The following CTDSPL variants were observed in gnomAD, a reference collection of about 807,000 sequenced individuals.
CTDSPL encodes CTD small phosphatase-like protein.
Under a neutral mutation model 30.5 loss-of-function variants are expected in CTDSPL, and 8 were observed. The observed-to-expected ratio is 0.26, with a 90% CI of 0.15 to 0.47. CTDSPL has a LOEUF of 0.47. Ranked by LOEUF, CTDSPL falls within the 20% of genes least tolerant of loss-of-function variation. The probability of loss-of-function intolerance (pLI) is 0.99; values close to 1 mark genes in which losing one functional copy is unlikely to be tolerated. For synonymous variants in CTDSPL, 110 were observed against 137.9 expected (o/e 0.80, Z 1.42); for missense variants, 248 against 366.1 (o/e 0.68, Z 2.63).
intron 2 of CTDSPL, among the ~76,000 whole-genome samples, chr3:37,953,761 A>G (rs1380585682): frequency 6.6e-6 from 1 of 152,204 alleles, no homozygotes; most frequent in African/African-American, 2.4e-5. Flanking sequence ...AATGCTGCCA[A>G]AGAAGAAAAC....
At chr3:37,949,488 T>C (rs1295046567) in intron 2 of CTDSPL, among the ~76,000 whole-genome samples, 1 of 152,208 alleles carries the variant, frequency 6.6e-6, no homozygotes, top group Non-Finnish European at 1.5e-5. Context: ...CAAAATGATA[T>C]GTCGTAAATA....
At chr3:37,906,373 T>G (rs1227027192) in intron 1 of CTDSPL, among the ~76,000 whole-genome samples, 1 of 152,208 alleles carries the variant, frequency 6.6e-6, no homozygotes, top group African/African-American at 2.4e-5. Context: ...CGACTGTTAC[T>G]GGTCCCAGAC....
Position 37,964,651 on chromosome 3 carries a change from A to T in CTDSPL, c.348A>T (p.Thr116=). Residue 116 remains threonine, a synonymous_variant, in exon 4 of 8, where the codon ACA becomes ACT. Coordinates refer to ENST00000273179, the MANE Select transcript of CTDSPL (RefSeq NM_001008392.2). ...KKCVVIDLDE[T]LVHSSFKPIS... Reference sequence around the variant, plus strand: ...GTGTGGTCATTGATTTAGATGAAACATTGGTGCACAGTTCGTTTAAGGTAA... The same window carrying T: ...GTGTGGTCATTGATTTAGATGAAACTTTGGTGCACAGTTCGTTTAAGGTAA... 1 of 1,613,404 alleles carries T rather than the reference A, an allele frequency of 6.2e-7. No individual in the cohort carries two copies. The highest frequency in any genetic ancestry group is 8.5e-7 in the Non-Finnish European group (1 of 1,179,382).
chr3:37,901,334 G>A (rs1353384150), intron 1 of CTDSPL, among the ~76,000 whole-genome samples: 1 of 151,938 alleles, frequency 6.6e-6, no homozygotes, highest in Non-Finnish European at 1.5e-5. Context: ...CTCTGTGTCT[G>A]TGCTGTTCTT....
chr3:37,937,524 C>T (rs970813475), intron 1 of CTDSPL, among the ~76,000 whole-genome samples: 3 of 150,566 alleles, frequency 2.0e-5, no homozygotes, highest in African/African-American at 7.3e-5. Context: ...GCGAGACCCT[C>T]GCCAGCTGGG....
At chr3:37,913,101 G>T (rs751601860) in intron 1 of CTDSPL, among the ~76,000 whole-genome samples, 3 of 152,110 alleles carry the variant, frequency 2.0e-5, no homozygotes, top group African/African-American at 7.2e-5. Context: ...CAGGCAAATC[G>T]CTAGAGCCCA....
intron 1 of CTDSPL, among the ~76,000 whole-genome samples, chr3:37,938,220 G>A (rs780415466): frequency 6.7e-6 from 1 of 150,144 alleles, no homozygotes; most frequent in African/African-American, 2.4e-5. Context: ...CTGTGTATGG[G>A]TGTGGGTGGG....
intron 1 of CTDSPL, among the ~76,000 whole-genome samples, chr3:37,908,572 A>G (rs1350112024): frequency 6.6e-6 from 1 of 152,326 alleles, no homozygotes; most frequent in Non-Finnish European, 1.5e-5. Flanking sequence ...TATGCCACTT[A>G]TAAGCAGTGC....
chr3:37,941,419 C>CT lies in CTDSPL; in HGVS notation c.80-5624dup, dbSNP rs770518070. The stretch of plus-strand genomic sequence containing the variant: ...GCATGCTTTCTTTCTATCTTTTTTT[C>CT]TTTTTTTTTTTTTTGAGACAGAGTC... On this transcript the variant is annotated intron_variant, in intron 1 of 7. Transcript: ENST00000273179. Among the ~76,000 whole-genome samples, 735 of 139,384 alleles carry CT rather than the reference C, an allele frequency of 5.3e-3. 30 individuals carry two copies. Among genetic ancestry groups the CT allele is most frequent in the African/African-American group, 8.4e-3 (327 of 38,964 alleles). 91.4% of individuals were successfully genotyped at this position (139,384 alleles called of 152,430 possible). A position where few individuals can be genotyped will look rare whatever the true frequency, so the allele number is the denominator to read the frequency against.
Position 37,862,366 on chromosome 3 carries a change from G to T in CTDSPL, c.79+88G>T, listed in dbSNP as rs1052435840. ...CACTGCCGGGCGCCGGCATGGGCCTGGGGGAGGGGTGCACAGGGCCCGGAG... is the reference window on the plus strand; with the variant it reads ...CACTGCCGGGCGCCGGCATGGGCCTTGGGGAGGGGTGCACAGGGCCCGGAG... On this transcript the variant is annotated intron_variant, in intron 1 of 7. Transcript: ENST00000273179. This position sits in a 1 kb window ranked among gnomAD's most constrained non-coding sequence, Gnocchi z 4.3. The T allele has an allele frequency of 2.2e-5, 26 of 1,185,652 alleles. No homozygotes were observed. The highest frequency in any genetic ancestry group is 2.5e-5 in the Non-Finnish European group (23 of 913,134). 73.4% of individuals were successfully genotyped at this position (1,185,652 alleles called of 1,614,324 possible).
chr3:37,911,515 G>A (rs1263975806), intron 1 of CTDSPL, among the ~76,000 whole-genome samples: 1 of 152,126 alleles, frequency 6.6e-6, no homozygotes, highest in Non-Finnish European at 1.5e-5. Context: ...AAGGCTGAGG[G>A]GTGAGGGAAT....
chr3:37,887,635 C>T (rs145862384), intron 1 of CTDSPL, among the ~76,000 whole-genome samples: 32 of 152,258 alleles, frequency 2.1e-4, no homozygotes, highest in Admixed American at 1.3e-3. Context: ...GCATGTGAAG[C>T]GCTTAAAACA....
chr3:37,874,481 C>T (rs1698111068), intron 1 of CTDSPL, among the ~76,000 whole-genome samples: 1 of 152,144 alleles, frequency 6.6e-6, no homozygotes, highest in Non-Finnish European at 1.5e-5. Context: ...CCTGTAATCC[C>T]AGCCCTTTGG....
chr3:37,872,561 A>T (rs1575275567), intron 1 of CTDSPL, among the ~76,000 whole-genome samples: 67 of 121,888 alleles, frequency 5.5e-4, no homozygotes, highest in Admixed American at 6.5e-4. Context: ...TTTTTTTTTA[A>T]ATTCTTTTAT....
chr3:37,910,134 G>A (rs1045889910), intron 1 of CTDSPL, among the ~76,000 whole-genome samples: 5 of 152,222 alleles, frequency 3.3e-5, no homozygotes, highest in African/African-American at 1.2e-4. Context: ...TGTGAGTAAA[G>A]TATTAGCAGT....
chr3:37,891,393 C>T (rs1185109220), intron 1 of CTDSPL, among the ~76,000 whole-genome samples: 1 of 152,194 alleles, frequency 6.6e-6, no homozygotes, highest in Non-Finnish European at 1.5e-5. Flanking sequence ...TGGCTGAAAG[C>T]AGTGGTTGTG....
intron 7 of CTDSPL, among the ~76,000 whole-genome samples, chr3:37,977,289 G>C (rs1049597110): frequency 6.6e-6 from 1 of 152,198 alleles, no homozygotes; most frequent in African/African-American, 2.4e-5. Context: ...TCATCTCGAA[G>C]TGTTGTGCAT....
In CTDSPL at chr3:37,981,681, C is replaced by T. The variant is rs1254804456; in HGVS notation, c.*814C>T. 3.0e-6 allele frequency: 1 copy of T among 334,046 alleles called. No homozygotes were observed. Among genetic ancestry groups the T allele is most frequent in the Non-Finnish European group, 6.0e-6 (1 of 166,610 alleles). 20.7% of individuals were successfully genotyped at this position (334,046 alleles called of 1,614,324 possible). Reference sequence around the variant, plus strand: ...ACATTTTCTCCTTGAAAAGTGACATCCTGTCACTTCTGCTCTCACACTACT... The same window carrying T: ...ACATTTTCTCCTTGAAAAGTGACATTCTGTCACTTCTGCTCTCACACTACT... On this transcript the variant is annotated 3_prime_UTR_variant, in exon 8 of 8. Transcript: ENST00000273179.
chr3:37,902,120 A>G (rs956410544), intron 1 of CTDSPL, among the ~76,000 whole-genome samples: 7 of 152,200 alleles, frequency 4.6e-5, no homozygotes, highest in Non-Finnish European at 7.3e-5. Flanking sequence ...GGCCAGGACT[A>G]TGTCTCATCG....
Sources: allele counts gnomAD v4.1 joint callset (sites outside exome capture counted in the v4.1 genomes callset), GRCh38; gene constraint gnomAD v4.1.1; non-coding constraint Gnocchi (gnomAD v3.1); transcripts MANE v1.5; gene names NCBI Gene and HGNC (gene_info 2026-07-23, HGNC 2026-07-21).